The following TDRD3 variants were observed in gnomAD, a reference collection of about 807,000 sequenced individuals.
TDRD3 encodes tudor domain-containing protein 3.
Under a neutral mutation model 86.7 loss-of-function variants are expected in TDRD3, and 45 were observed. That is an observed-to-expected ratio of 0.52 (90% CI 0.41 to 0.67). TDRD3 has a LOEUF of 0.67. Ranked by LOEUF, TDRD3 falls within the 30% of genes least tolerant of loss-of-function variation. TDRD3 has a pLI of 0.00. For synonymous variants in TDRD3, 298 were observed against 301.7 expected (o/e 0.99, Z 0.13); for missense variants, 814 against 889.0 (o/e 0.92, Z 1.07).
chr13:60,396,268 C>A (rs1019775537), upstream of TDRD3, among the ~76,000 whole-genome samples: 31 of 152,338 alleles, frequency 2.0e-4, no homozygotes, highest in African/African-American at 6.3e-4. Context: ...AGCCTTTTTC[C>A]CCGCAATACG....
chr13:60,529,144 C>T lies in TDRD3; in HGVS notation c.1919C>T (p.Ser640Phe), dbSNP rs1957525219. ...PIKPEKILES[S>F]IPMEYAKMWK... is the part of the protein sequence containing the mutation. ...AAGCCAGAAAAAATACTAGAATCATCTATTCCTATGGAGTATGCAAAAATG... is the reference window on the plus strand; with the variant it reads ...AAGCCAGAAAAAATACTAGAATCATTTATTCCTATGGAGTATGCAAAAATG... The change falls in exon 11 of 14, where the codon TCT (serine) becomes TTT (phenylalanine). Residue 640 changes from serine to phenylalanine, a missense_variant. Physicochemically the swap from Ser to Phe is radical, Grantham distance 155. Coordinates refer to ENST00000377881, the MANE Select transcript of TDRD3 (RefSeq NM_001146070.2). 2 of 1,613,754 alleles carry T rather than the reference C, an allele frequency of 1.2e-6. No individual in the cohort carries two copies. The highest frequency in any genetic ancestry group is 2.7e-5 in the African/African-American group (2 of 74,918).
chr13:60,555,848 C>CTTTTTTTTTTTTTTTTTTT (rs770710929), intron 12 of TDRD3, among the ~76,000 whole-genome samples: 2 of 136,138 alleles, frequency 1.5e-5, no homozygotes, highest in Admixed American at 7.4e-5. Flanking sequence ...CAACCTATTT[C>CTTTTTTTTTTTTTTTTTTT]TTTCTTTTTT....
intron 12 of TDRD3, among the ~76,000 whole-genome samples, chr13:60,539,836 A>G (rs1429724386): frequency 1.3e-5 from 2 of 152,028 alleles, no homozygotes; most frequent in South Asian, 2.1e-4. Context: ...ACATATAATC[A>G]TGAGTTTAAA....
intron 5 of TDRD3, among the ~76,000 whole-genome samples, chr13:60,483,135 A>G (rs1297389586): frequency 1.2e-4 from 19 of 152,078 alleles, no homozygotes; most frequent in Admixed American, 1.2e-3. Flanking sequence ...CTCTAGCTTT[A>G]TGAGATTTCA....
At position 60,528,421 on chromosome 13, in the gene TDRD3, C is replaced by G. The variant is rs749416275; in HGVS notation, c.1196C>G (p.Thr399Ser). 1 of 1,613,098 alleles carries G rather than the reference C, an allele frequency of 6.2e-7. No homozygotes were observed. Among genetic ancestry groups the G allele is most frequent in the Admixed American group, 1.7e-5 (1 of 59,868 alleles). The part of the protein sequence containing the change: ...LHQGQYRSSN[T>S]EQNGVKDNNH... ...CAGGGACAATACAGATCATCAAATA[C>G]TGAGCAAAATGGAGTAAAAGATAAT... The change falls in exon 11 of 14, where the codon ACT becomes AGT. Residue 399 changes from threonine (T) to serine (S), a missense_variant. Physicochemically the swap from Thr to Ser is moderately conservative, Grantham distance 58. Coordinates refer to ENST00000377881, the MANE Select transcript of TDRD3 (RefSeq NM_001146070.2).
chr13:60,395,850 C>A (rs1416206853), upstream of TDRD3, among the ~76,000 whole-genome samples: 1 of 152,062 alleles, frequency 6.6e-6, no homozygotes, highest in African/African-American at 2.4e-5. Context: ...GACTTAAACA[C>A]TGCATACTAC....
chr13:60,557,806 T>G (rs1049629005), intron 12 of TDRD3, among the ~76,000 whole-genome samples: 1 of 146,828 alleles, frequency 6.8e-6, no homozygotes, highest in African/African-American at 2.5e-5. Flanking sequence ...GCATAAAGGA[T>G]TTTTTTTTTC....
intron 3 of TDRD3, among the ~76,000 whole-genome samples, chr13:60,453,884 C>T (rs1014182325): frequency 1.3e-5 from 2 of 151,974 alleles, no homozygotes; most frequent in Admixed American, 6.6e-5. Context: ...AAGACAACTT[C>T]TTAATTCAAC....
chr13:60,446,813 A>G (rs1955410887), intron 3 of TDRD3, among the ~76,000 whole-genome samples: 1 of 152,160 alleles, frequency 6.6e-6, no homozygotes, highest in African/African-American at 2.4e-5. Flanking sequence ...TAATATAGTA[A>G]AAGCTCCTTA....
At chr13:60,421,943 T>C in intron 1 of TDRD3, among the ~76,000 whole-genome samples, 1 of 152,106 alleles carries the variant, frequency 6.6e-6, no homozygotes, top group East Asian at 1.9e-4. Flanking sequence ...GGAAGATATT[T>C]CAAAGTAAGG....
At chr13:60,409,607 T>G (rs961374959) in intron 1 of TDRD3, among the ~76,000 whole-genome samples, 2 of 152,202 alleles carry the variant, frequency 1.3e-5, no homozygotes, top group African/African-American at 4.8e-5. Context: ...ATTTCAGACT[T>G]GCCTGGGCCC....
intron 1 of TDRD3, among the ~76,000 whole-genome samples, chr13:60,434,286 A>G (rs1237959746): frequency 3.9e-5 from 6 of 152,038 alleles, no homozygotes; most frequent in African/African-American, 1.4e-4. Context: ...CCTCTGCAAC[A>G]TGGTGAAATC....
intron 12 of TDRD3, chr13:60,547,348 T>G (rs1460173735): frequency 3.0e-6 from 3 of 985,152 alleles, no homozygotes; most frequent in Non-Finnish European, 3.6e-6. Context: ...AGAAGGGGAG[T>G]GGGCAAGGCT....
chr13:60,486,099 G>T, intron 7 of TDRD3, 151 bp downstream of exon 7: 1 of 698,890 alleles, frequency 1.4e-6, no homozygotes, highest in Non-Finnish European at 2.1e-6. Context: ...GGAATGCCCT[G>T]CCACTTCATG....
In TDRD3 at chr13:60,558,336, TGA is replaced by T. The variant is rs146058508; in HGVS notation, c.2119-9183_2119-9182del. Among the ~76,000 whole-genome samples, 751 of 152,338 alleles carry T rather than the reference TGA, an allele frequency of 4.9e-3. 3 individuals are homozygous for T. Among genetic ancestry groups the T allele is most frequent in the Middle Eastern group, 0.024 (7 of 294 alleles). On this transcript the variant is annotated intron_variant, in intron 12 of 13. Transcript: ENST00000377881. ...TAAGATGTAAAAATGACATAAACTA[TGA>T]GAGAGTGAAATAGTTAACCACTTGT...
intron 11 of TDRD3, among the ~76,000 whole-genome samples, chr13:60,531,015 G>A (rs1301814035): frequency 6.6e-6 from 1 of 152,136 alleles, no homozygotes. Context: ...AGTACAGAGT[G>A]AAACAGCTAG....
intron 5 of TDRD3, among the ~76,000 whole-genome samples, chr13:60,467,968 A>G (rs2138085079): frequency 6.6e-6 from 1 of 152,054 alleles, no homozygotes; most frequent in South Asian, 2.1e-4. Flanking sequence ...TCCAGTTCTT[A>G]TTATTACTGT....
chr13:60,522,043 T>C (rs532293149), intron 10 of TDRD3, among the ~76,000 whole-genome samples: 4 of 152,280 alleles, frequency 2.6e-5, no homozygotes, highest in African/African-American at 7.2e-5. Flanking sequence ...GAGTAATTTT[T>C]TTACTTTTTA....
chr13:60,422,809 A>T (rs1472072200), intron 1 of TDRD3, among the ~76,000 whole-genome samples: 3 of 152,168 alleles, frequency 2.0e-5, no homozygotes, highest in African/African-American at 4.8e-5. Context: ...ATAATATTCA[A>T]GTCAAGGAAG....
Sources: gnomAD v4.1 joint callset for allele counts (sites outside exome capture counted in the v4.1 genomes callset) on GRCh38, gnomAD v4.1.1 for gene constraint, MANE v1.5 for transcripts, NCBI Gene and HGNC (gene_info 2026-07-23, HGNC 2026-07-21) for gene names.